Variants in WDR7 observed in about 807,000 individuals in gnomAD.
WDR7 encodes the protein WD repeat-containing protein 7.
A neutral mutation model predicts 169.4 loss-of-function variants in WDR7; 46 were observed. The ratio of observed to expected loss-of-function variants is 0.27; its 90% CI spans 0.21 to 0.35. The LOEUF is 0.35. WDR7 is among the 10% of genes least tolerant of loss of function. WDR7 has a pLI of 1.00. For missense variants in WDR7, 1,534 were observed against 1,859.3 expected, an observed-to-expected ratio of 0.83 and a Z score of 3.22; for synonymous variants, 612 against 666.8, an observed-to-expected ratio of 0.92 and a Z score of 1.27.
rs149414995 is a variant in WDR7 at position 56,774,132 on chromosome 18, A to G, written c.2849-2650A>G. ...TAGGAAGATAATGAGATTTAGACCA[A>G]TATGTATGGAGCACCCGAAGTATGT... On this transcript the variant is annotated intron_variant, in intron 16 of 27. Transcript: ENST00000254442. Among the ~76,000 whole-genome samples, 17 of 152,172 alleles carry G rather than the reference A, an allele frequency of 1.1e-4. No homozygotes were observed. The East Asian group carries it at 2.9e-3, about 26-fold the overall frequency.
At chr18:56,965,365 T>C (rs1003698317) in intron 26 of WDR7, among the ~76,000 whole-genome samples, 4 of 152,122 alleles carry the variant, frequency 2.6e-5, no homozygotes, top group Admixed American at 2.6e-4. Context: ...CCTGTTGTCA[T>C]TGTGAGATTG....
Position 56,938,693 on chromosome 18 carries a change from C to A in WDR7, c.3981+11C>A. 4 of 1,612,752 alleles carry A rather than the reference C, an allele frequency of 2.5e-6. No individual in the cohort carries two copies. The highest frequency in any genetic ancestry group is 3.4e-6 in the Non-Finnish European group (4 of 1,179,534). On this transcript the variant is annotated intron_variant, in intron 24 of 27. Transcript: ENST00000254442. The stretch of plus-strand genomic sequence containing the variant: ...GATCTTCTCGTGGAGGTAAGAATAT[C>A]CTGTTTTAAATGATCCATCAGCAAC...
At chr18:56,862,307 T>C (rs370484871) in intron 20 of WDR7, among the ~76,000 whole-genome samples, 1 of 151,818 alleles carries the variant, frequency 6.6e-6, no homozygotes, top group South Asian at 2.1e-4. Context: ...ACATTATCAA[T>C]AATGTTTATG....
chr18:56,955,468 C>T (rs1258752167), intron 25 of WDR7, among the ~76,000 whole-genome samples: 2 of 151,972 alleles, frequency 1.3e-5, no homozygotes, highest in Non-Finnish European at 2.9e-5. Context: ...AAATAATTTG[C>T]AATTATTATC....
rs920538772 is a variant in WDR7 at position 57,027,351 on chromosome 18, T to C, written c.*144T>C. The C allele has an allele frequency of 2.1e-5, 21 of 1,012,542 alleles. No homozygotes were observed. In the South Asian group the frequency reaches 2.8e-4, roughly 13 times the overall value. The allele number at this position is 1,012,542 out of a possible 1,614,324, so 62.7% of individuals were successfully genotyped here. Reference sequence around the variant, plus strand: ...TGGCACGGCCGGGTCTTGTCACTTGTGCATGCTTCTCAGGGGCAGAACCCG... The same window carrying C: ...TGGCACGGCCGGGTCTTGTCACTTGCGCATGCTTCTCAGGGGCAGAACCCG... On this transcript the variant is annotated 3_prime_UTR_variant, in exon 28 of 28. Coordinates refer to ENST00000254442, the MANE Select transcript of WDR7 (RefSeq NM_015285.3).
chr18:57,000,362 A>T (rs2047957783), intron 26 of WDR7, among the ~76,000 whole-genome samples: 1 of 152,140 alleles, frequency 6.6e-6, no homozygotes, highest in African/African-American at 2.4e-5. Flanking sequence ...TTTTCTTAAT[A>T]AAAAAGGTGT....
chr18:56,977,933 G>T (rs1386907158), intron 26 of WDR7, among the ~76,000 whole-genome samples: 1 of 152,110 alleles, frequency 6.6e-6, no homozygotes, highest in South Asian at 2.1e-4. Context: ...TGTCAGAGAT[G>T]AATTAAAACT....
intron 8 of WDR7, among the ~76,000 whole-genome samples, 154 bp from the exon 9 acceptor site, chr18:56,691,561 A>C (rs1895796927): frequency 6.6e-6 from 1 of 152,176 alleles, no homozygotes; most frequent in African/African-American, 2.4e-5. Context: ...GAAGGACAAT[A>C]TTTTTATAAC....
At chr18:56,894,501 A>G (rs1347058748) in intron 21 of WDR7, among the ~76,000 whole-genome samples, 1 of 151,970 alleles carries the variant, frequency 6.6e-6, no homozygotes, top group Non-Finnish European at 1.5e-5. Flanking sequence ...CTCAATTTTC[A>G]ACTTCTCAAT....
chr18:57,021,291 T>C (rs1208944266), intron 27 of WDR7, among the ~76,000 whole-genome samples: 1 of 152,086 alleles, frequency 6.6e-6, no homozygotes, highest in Non-Finnish European at 1.5e-5. Flanking sequence ...AGGGCCGGCA[T>C]GTTTGAGGGC....
At chr18:56,761,946 G>A (rs1479725238) in intron 16 of WDR7, among the ~76,000 whole-genome samples, 2 of 151,874 alleles carry the variant, frequency 1.3e-5, no homozygotes, top group African/African-American at 4.8e-5. Context: ...CAGTTTCAAA[G>A]GGAAAACTTT....
At chr18:56,696,514 T>G in intron 12 of WDR7, 52 bp downstream of exon 12, 1 of 1,433,014 alleles carries the variant, frequency 7.0e-7, no homozygotes, top group Non-Finnish European at 9.5e-7. Flanking sequence ...CCAAGTTATA[T>G]TACTATCAGG....
chr18:56,989,820 T>G (rs1657419), intron 26 of WDR7, among the ~76,000 whole-genome samples: 68,405 of 151,974 alleles, frequency 0.45, 17,135 homozygotes, highest in Middle Eastern at 0.61. Context: ...AGAATATTAT[T>G]TAAACCTTGA....
chr18:56,930,381 T>G (rs2046865929), intron 22 of WDR7, among the ~76,000 whole-genome samples: 1 of 152,250 alleles, frequency 6.6e-6, no homozygotes, highest in Admixed American at 6.5e-5. Context: ...GATTCCATAT[T>G]TAAGCTATTC....
At chr18:56,905,173 T>G (rs541404154) in intron 21 of WDR7, among the ~76,000 whole-genome samples, 297 of 152,306 alleles carry the variant, frequency 2.0e-3, no homozygotes, top group African/African-American at 6.8e-3. Context: ...TGTTTTGAGA[T>G]AGTCTTGCTC....
At chr18:56,716,364 T>A (rs2026192835) in intron 12 of WDR7, among the ~76,000 whole-genome samples, 1 of 152,124 alleles carries the variant, frequency 6.6e-6, no homozygotes, top group South Asian at 2.1e-4. Context: ...AGTAAACACC[T>A]GTTATGCTGA....
chr18:56,915,770 C>T (rs889856616), intron 21 of WDR7, among the ~76,000 whole-genome samples: 1 of 152,168 alleles, frequency 6.6e-6, no homozygotes, highest in Non-Finnish European at 1.5e-5. Flanking sequence ...AAATGTTATT[C>T]TCCCTAGTAA....
chr18:56,884,859 C>T (rs1006055627), intron 21 of WDR7, among the ~76,000 whole-genome samples: 1 of 152,222 alleles, frequency 6.6e-6, no homozygotes, highest in Non-Finnish European at 1.5e-5. Flanking sequence ...TGCAATAAAA[C>T]TACAACTAAG....
intron 20 of WDR7, among the ~76,000 whole-genome samples, chr18:56,866,111 A>T (rs1285153759): frequency 1.3e-5 from 2 of 152,194 alleles, no homozygotes; most frequent in Non-Finnish European, 2.9e-5. Context: ...TGATGTTGCC[A>T]GGAATGCCCA....
Sources: allele counts gnomAD v4.1 joint callset (sites outside exome capture counted in the v4.1 genomes callset), GRCh38; gene constraint gnomAD v4.1.1; transcripts MANE v1.5; gene names NCBI Gene and HGNC (gene_info 2026-07-23, HGNC 2026-07-21).